The following PCDHGA4 variants were observed in gnomAD, a reference collection of about 807,000 sequenced individuals.
The protein encoded by PCDHGA4 is protocadherin gamma subfamily A, 4.
PCDHGA4 carries 38 observed loss-of-function variants against 54.6 expected under a neutral mutation model. That is an observed-to-expected ratio of 0.70 (90% CI 0.54 to 0.91). The LOEUF is 0.91. PCDHGA4 is among the 40% of genes least tolerant of loss of function. PCDHGA4 has a pLI of 0.00. For synonymous variants in PCDHGA4, 511 were observed against 512.9 expected (o/e 1.00, Z 0.05); for missense variants, 1,298 against 1,220.9 (o/e 1.06, Z -0.94).
At chr5:141,365,071 C>T (rs184618404) in intron 1 of PCDHGA4, 6 of 1,613,868 alleles carry the variant, frequency 3.7e-6, no homozygotes, top group Non-Finnish European at 5.1e-6. Flanking sequence ...CATCCGAGTA[C>T]AGCGTGAGTG....
At chr5:141,448,542 T>G (rs2098594694) in intron 1 of PCDHGA4, among the ~76,000 whole-genome samples, 1 of 152,210 alleles carries the variant, frequency 6.6e-6, no homozygotes, top group Non-Finnish European at 1.5e-5. Flanking sequence ...GCATTTCTTA[T>G]GCAAATATGT....
At chr5:141,376,078 C>T (rs752847017) in intron 1 of PCDHGA4, 7 of 1,613,392 alleles carry the variant, frequency 4.3e-6, no homozygotes, top group South Asian at 3.3e-5. Flanking sequence ...TGGCCGTGGC[C>T]GACAGGATCC....
At chr5:141,418,944 C>T in intron 1 of PCDHGA4, 1 of 1,614,026 alleles carries the variant, frequency 6.2e-7, no homozygotes, top group Non-Finnish European at 8.5e-7. Context: ...GATTCCCCTC[C>T]AGGAGTGGTT....
chr5:141,409,942 C>G, intron 1 of PCDHGA4: 2 of 1,613,284 alleles, frequency 1.2e-6, no homozygotes, highest in Non-Finnish European at 1.7e-6. Context: ...TGGTACCTCG[C>G]TCTGCAGAGC....
At chr5:141,382,764 A>G (rs1778415401) in intron 1 of PCDHGA4, 1 of 699,092 alleles carries the variant, frequency 1.4e-6, no homozygotes. Context: ...GCCCTCTTCC[A>G]GGCTGCACTA....
At chr5:141,361,698 T>C (rs779293216) in intron 1 of PCDHGA4, 43 of 1,613,234 alleles carry the variant, frequency 2.7e-5, no homozygotes, top group Admixed American at 5.0e-5. Flanking sequence ...GCGCCTTCGA[T>C]CATGAGCAGC....
At chr5:141,375,224 C>T in intron 1 of PCDHGA4, 1 of 1,613,976 alleles carries the variant, frequency 6.2e-7, no homozygotes, top group South Asian at 1.1e-5. Context: ...CCTGAATGGC[C>T]TGGTAACCTG....
chr5:141,360,200 T>A lies in PCDHGA4; in HGVS notation c.2514+2579T>A, dbSNP rs1252813775. The A allele has an allele frequency of 2.5e-6, 4 of 1,612,720 alleles. No individual in the cohort carries two copies. The Admixed American group carries it at 6.7e-5, about 27-fold the overall frequency. ...CTGCAGGTACTGTTGCCCTTCCTGTTGTCTTTGTTCCCCGGGGCTCTCCCA... is the reference window on the plus strand; with the variant it reads ...CTGCAGGTACTGTTGCCCTTCCTGTAGTCTTTGTTCCCCGGGGCTCTCCCA... On this transcript the variant is annotated intron_variant, in intron 1 of 3. Transcript: ENST00000571252.
chr5:141,413,431 G>C (rs963192857), intron 1 of PCDHGA4: 1 of 1,614,092 alleles, frequency 6.2e-7, no homozygotes, highest in Non-Finnish European at 8.5e-7. Flanking sequence ...CCCGCGCAGC[G>C]GCAGCTTGAT....
chr5:141,415,423 G>T (rs2154545734), intron 1 of PCDHGA4: 1 of 1,614,204 alleles, frequency 6.2e-7, no homozygotes, highest in Non-Finnish European at 8.5e-7. Context: ...CGTGGACGGG[G>T]TTCGGGCTTT....
At chr5:141,366,214 A>G (rs749592795) in intron 1 of PCDHGA4, 7 of 1,613,810 alleles carry the variant, frequency 4.3e-6, no homozygotes, top group South Asian at 1.1e-5. Flanking sequence ...AGGTGCGCAC[A>G]GCGCGAGCCC....
chr5:141,459,574 T>G (rs1163443021), intron 1 of PCDHGA4, among the ~76,000 whole-genome samples: 6 of 152,226 alleles, frequency 3.9e-5, no homozygotes, highest in African/African-American at 1.4e-4. Flanking sequence ...AAAACAGAAT[T>G]GTTTTGGGGG....
chr5:141,420,769 C>T (rs2096524721), intron 1 of PCDHGA4, among the ~76,000 whole-genome samples: 1 of 152,212 alleles, frequency 6.6e-6, no homozygotes, highest in Admixed American at 6.5e-5. Flanking sequence ...AAGTTTTCAG[C>T]TCCAGTAATA....
chr5:141,427,320 G>A (rs920149276), intron 1 of PCDHGA4: 5 of 456,968 alleles, frequency 1.1e-5, no homozygotes, highest in Non-Finnish European at 1.8e-5. Context: ...CCCAGACGTG[G>A]TTTTTACTTC....
At chr5:141,420,537 T>C (rs1246315357) in intron 1 of PCDHGA4, 2 of 317,450 alleles carry the variant, frequency 6.3e-6, no homozygotes, top group Non-Finnish European at 1.1e-5. Context: ...GTTAAAAATA[T>C]AAAATACAGG....
rs771138206 is a variant in PCDHGA4, at chr5:141,365,985, T to A, written c.2514+8364T>A. ...AGCAACGTGTCGCTGAGCCTGTTTG[T>A]GCTGGACCAGAACGACAATACGCCT... On this transcript the variant is annotated intron_variant, in intron 1 of 3. Coordinates refer to ENST00000571252, the MANE Select transcript of PCDHGA4 (RefSeq NM_018917.4). 6.2e-6 allele frequency: 10 copies of A among 1,614,116 alleles called. No individual in the cohort carries two copies. In the Admixed American group the frequency reaches 1.3e-4, roughly 22 times the overall value.
intron 1 of PCDHGA4, chr5:141,403,476 A>T: frequency 6.2e-7 from 1 of 1,613,972 alleles, no homozygotes; most frequent in Non-Finnish European, 8.5e-7. Flanking sequence ...CTCAGCCCCA[A>T]TCACCACTTC....
chr5:141,384,221 AG>A, intron 1 of PCDHGA4: 1 of 1,613,936 alleles, frequency 6.2e-7, no homozygotes. Flanking sequence ...ATATTCATGC[AG>A]GTGGCAGACA....
intron 1 of PCDHGA4, chr5:141,384,297 C>A (rs753406812): frequency 1.2e-6 from 2 of 1,613,848 alleles, no homozygotes; most frequent in South Asian, 2.2e-5. Context: ...AGAACAACCC[C>A]AGAGGGGCCT....
Sources: gnomAD v4.1 joint callset for allele counts (sites outside exome capture counted in the v4.1 genomes callset) on GRCh38, gnomAD v4.1.1 for gene constraint, MANE v1.5 for transcripts, NCBI Gene and HGNC (gene_info 2026-07-23, HGNC 2026-07-21) for gene names.